Variants in GALNTL6 observed in about 807,000 individuals in gnomAD.
GALNTL6 encodes the protein polypeptide N-acetylgalactosaminyltransferase-like 6.
In GALNTL6, 46 loss-of-function variants were observed where a neutral mutation model predicts 73.7. The observed-to-expected ratio is 0.62, with a 90% confidence interval of 0.49 to 0.80. GALNTL6 has a LOEUF of 0.80. Ranked by LOEUF, GALNTL6 falls within the 30% of genes least tolerant of loss-of-function variation. GALNTL6 has a pLI of 0.00. For synonymous variants in GALNTL6, 259 were observed against 263.7 expected, an observed-to-expected ratio of 0.98 and a Z score of 0.17; for missense variants, 604 against 755.0, an observed-to-expected ratio of 0.80 and a Z score of 2.34.
At chr4:171,946,925 A>G (rs1738719404) in intron 2 of GALNTL6, among the ~76,000 whole-genome samples, 1 of 152,108 alleles carries the variant, frequency 6.6e-6, no homozygotes, top group South Asian at 2.1e-4. Flanking sequence ...GGGGGGTACA[A>G]ATAAAAGCTT....
intron 5 of GALNTL6, among the ~76,000 whole-genome samples, chr4:172,375,519 G>A (rs1362688812): frequency 6.6e-6 from 1 of 152,096 alleles, no homozygotes; most frequent in Non-Finnish European, 1.5e-5. Flanking sequence ...CCTTGCCCAA[G>A]AACCCACAAC....
intron 10 of GALNTL6, among the ~76,000 whole-genome samples, chr4:172,997,989 A>G (rs544804983): frequency 6.6e-5 from 10 of 152,326 alleles, no homozygotes; most frequent in Non-Finnish European, 1.3e-4. Context: ...GGGCCCTCTG[A>G]TAATATTTCT....
intron 7 of GALNTL6, among the ~76,000 whole-genome samples, chr4:172,852,001 T>C (rs772846295): frequency 3.9e-5 from 6 of 152,132 alleles, no homozygotes; most frequent in African/African-American, 9.7e-5. Context: ...CCCCAGCCAA[T>C]CTGAGCCATC....
intron 7 of GALNTL6, among the ~76,000 whole-genome samples, chr4:172,867,665 A>C (rs1188923165): frequency 1.3e-5 from 2 of 152,216 alleles, no homozygotes; most frequent in East Asian, 3.8e-4. Flanking sequence ...GCCAACAGCA[A>C]AGCTTTAATT....
At chr4:173,001,625 G>C (rs1010829102) in intron 10 of GALNTL6, among the ~76,000 whole-genome samples, 1 of 152,148 alleles carries the variant, frequency 6.6e-6, no homozygotes, top group Non-Finnish European at 1.5e-5. Flanking sequence ...TATCTGATAA[G>C]GGATTAAGAT....
chr4:172,339,257 CCACACACACACACACACACACACACA>C (rs70941402), intron 4 of GALNTL6, among the ~76,000 whole-genome samples: 2,506 of 121,010 alleles, frequency 0.021, 44 homozygotes, highest in Non-Finnish European at 0.03. Context: ...CACACACACA[CCACACACACACACACACACACACACA>C]CACACACACA....
At chr4:172,196,615 A>T (rs1013503712) in intron 2 of GALNTL6, among the ~76,000 whole-genome samples, 1 of 152,208 alleles carries the variant, frequency 6.6e-6, no homozygotes, top group Non-Finnish European at 1.5e-5. Context: ...AGTCAGCTTC[A>T]TCCTCAATGC....
chr4:172,497,688 A>C (rs1438053736), intron 5 of GALNTL6, among the ~76,000 whole-genome samples: 1 of 152,236 alleles, frequency 6.6e-6, no homozygotes, highest in African/African-American at 2.4e-5. Flanking sequence ...GCATATCAGA[A>C]GTTACTTTCT....
intron 2 of GALNTL6, among the ~76,000 whole-genome samples, chr4:171,881,748 T>C (rs1425072375): frequency 1.3e-5 from 2 of 152,244 alleles, no homozygotes; most frequent in South Asian, 4.1e-4. Flanking sequence ...TTGATGTTAC[T>C]AAACTTAGTA....
chr4:172,361,618 T>C (rs1214999777), intron 5 of GALNTL6, among the ~76,000 whole-genome samples: 2 of 152,160 alleles, frequency 1.3e-5, no homozygotes. Context: ...ATAATATCAG[T>C]GTATTCTATT....
At chr4:172,163,000 A>G (rs1225750553) in intron 2 of GALNTL6, among the ~76,000 whole-genome samples, 1 of 152,036 alleles carries the variant, frequency 6.6e-6, no homozygotes, top group Non-Finnish European at 1.5e-5. Context: ...CATTTAGAAG[A>G]CATGTCTGGC....
intron 2 of GALNTL6, among the ~76,000 whole-genome samples, chr4:172,175,763 T>C (rs1734969804): frequency 6.6e-6 from 1 of 152,244 alleles, no homozygotes. Flanking sequence ...ATATGTTTTC[T>C]ATCCTGCAAT....
intron 5 of GALNTL6, among the ~76,000 whole-genome samples, chr4:172,448,299 C>G (rs1732098152): frequency 6.6e-6 from 1 of 152,134 alleles, no homozygotes. Context: ...TTCATAAGCA[C>G]TTTGGAATAG....
intron 7 of GALNTL6, among the ~76,000 whole-genome samples, chr4:172,881,229 G>T (rs1419961056): frequency 6.6e-6 from 1 of 152,192 alleles, no homozygotes; most frequent in Non-Finnish European, 1.5e-5. Flanking sequence ...TGCAGCTTCA[G>T]TTGTAATTCC....
chr4:171,912,223 C>CCACA (rs1737495609), intron 2 of GALNTL6, among the ~76,000 whole-genome samples: 1 of 152,082 alleles, frequency 6.6e-6, no homozygotes, highest in South Asian at 2.1e-4. Context: ...TCTACAGGTA[C>CCACA]TCTGAATTAT....
At chr4:172,885,938 T>A (rs1745698145) in intron 8 of GALNTL6, among the ~76,000 whole-genome samples, 1 of 152,214 alleles carries the variant, frequency 6.6e-6, no homozygotes, top group African/African-American at 2.4e-5. Context: ...CTTTTTAATG[T>A]CTTATTGAAT....
chr4:172,442,464 A>C (rs1731867624), intron 5 of GALNTL6, among the ~76,000 whole-genome samples: 1 of 152,190 alleles, frequency 6.6e-6, no homozygotes, highest in African/African-American at 2.4e-5. Context: ...AATAATGCTC[A>C]ATAAGTATTT....
chr4:172,808,411 G>A (rs1201719641), intron 5 of GALNTL6, among the ~76,000 whole-genome samples: 1 of 152,120 alleles, frequency 6.6e-6, no homozygotes, highest in African/African-American at 2.4e-5. Flanking sequence ...AAGACATGAA[G>A]AGAACGTTTG....
intron 9 of GALNTL6, among the ~76,000 whole-genome samples, chr4:172,946,933 G>T (rs563067579): frequency 3.6e-4 from 55 of 152,214 alleles, no homozygotes; most frequent in African/African-American, 1.2e-3. Flanking sequence ...AAGATGAATT[G>T]CCGGGCACGA....
Sources: allele counts gnomAD v4.1 joint callset (sites outside exome capture counted in the v4.1 genomes callset), GRCh38; gene constraint gnomAD v4.1.1; transcripts MANE v1.5; gene names NCBI Gene and HGNC (gene_info 2026-07-23, HGNC 2026-07-21).